Variants in HOPX observed in about 807,000 individuals in gnomAD.
HOPX encodes the protein HOP homeobox.
Under a neutral mutation model 11.8 loss-of-function variants are expected in HOPX, and 5 were observed. The observed-to-expected ratio is 0.43, with a 90% CI of 0.22 to 0.89. HOPX has a LOEUF of 0.89. Ranked by LOEUF, HOPX falls within the 40% of genes least tolerant of loss-of-function variation. The pLI, the probability that HOPX is intolerant of heterozygous loss-of-function variation, is 0.28. For missense variants in HOPX, 119 were observed against 120.0 expected (o/e 0.99, Z 0.04); for synonymous variants, 49 against 49.7 (o/e 0.99, Z 0.06).
At chr4:56,674,485 T>C (rs1345146903) in intron 1 of HOPX, among the ~76,000 whole-genome samples, 1 of 151,654 alleles carries the variant, frequency 6.6e-6, no homozygotes, top group African/African-American at 2.4e-5. Flanking sequence ...ATTTTCCTCA[T>C]GATCCTAGAT....
chr4:56,661,258 A>G (rs1426847088), intron 1 of HOPX, among the ~76,000 whole-genome samples: 6 of 152,350 alleles, frequency 3.9e-5, no homozygotes, highest in Non-Finnish European at 7.3e-5. Context: ...GTGTTTCCAG[A>G]ACAAATCCAC....
chr4:56,651,099 C>A (rs1486998649), intron 3 of HOPX: 2 of 264,540 alleles, frequency 7.6e-6, no homozygotes, highest in African/African-American at 4.5e-5. Context: ...CACTTTCTAT[C>A]AGATTTCATT....
intron 1 of HOPX, among the ~76,000 whole-genome samples, chr4:56,669,603 G>A (rs1382794860): frequency 1.3e-5 from 2 of 151,814 alleles, no homozygotes; most frequent in Admixed American, 1.3e-4. Flanking sequence ...AGATTGTAGT[G>A]AGCCAAGATC....
intron 1 of HOPX, among the ~76,000 whole-genome samples, chr4:56,672,179 T>G (rs955403896): frequency 3.3e-5 from 5 of 152,110 alleles, no homozygotes; most frequent in African/African-American, 1.2e-4. Flanking sequence ...ATTTGCTTTT[T>G]CTGGGTAATC....
At chr4:56,660,794 T>C (rs959819115) in intron 1 of HOPX, among the ~76,000 whole-genome samples, 2 of 152,176 alleles carry the variant, frequency 1.3e-5, no homozygotes, top group Non-Finnish European at 2.9e-5. Context: ...AAGCATAAAT[T>C]AAATAAACAC....
intron 1 of HOPX, 136 bp from the exon 2 acceptor site, chr4:56,658,035 C>T (rs1403911473): frequency 2.4e-5 from 15 of 637,224 alleles, no homozygotes; most frequent in Non-Finnish European, 3.3e-5. Context: ...CCACTGCTTG[C>T]TTCGCTTGAA....
At chr4:56,651,778 A>C (rs1201246455) in intron 3 of HOPX, among the ~76,000 whole-genome samples, 3 of 152,108 alleles carry the variant, frequency 2.0e-5, no homozygotes, top group Non-Finnish European at 2.9e-5. Flanking sequence ...CATCAAGAGG[A>C]GATAAAAATA....
chr4:56,677,952 C>T (rs1302575044), intron 1 of HOPX, among the ~76,000 whole-genome samples: 1 of 151,620 alleles, frequency 6.6e-6, no homozygotes, highest in Non-Finnish European at 1.5e-5. Flanking sequence ...AATTAGAATC[C>T]TCTACTTATG....
At chr4:56,651,423 C>G (rs1717159992) in intron 3 of HOPX, among the ~76,000 whole-genome samples, 1 of 152,134 alleles carries the variant, frequency 6.6e-6, no homozygotes, top group Non-Finnish European at 1.5e-5. Flanking sequence ...CCCTTTAGAG[C>G]TGTATCTTAT....
chr4:56,669,826 C>A (rs984543355), intron 1 of HOPX, among the ~76,000 whole-genome samples: 1 of 152,052 alleles, frequency 6.6e-6, no homozygotes, highest in Non-Finnish European at 1.5e-5. Flanking sequence ...GCCCCGGTTG[C>A]ACCTAGGTAT....
chr4:56,680,268 C>T (rs1223166326), intron 1 of HOPX: 3 of 152,082 alleles, frequency 2.0e-5, no homozygotes, highest in Non-Finnish European at 2.9e-5. Context: ...TGAGAAAGGT[C>T]CTTGGCTTTC....
intron 1 of HOPX, among the ~76,000 whole-genome samples, chr4:56,673,275 AAGAG>A (rs1256885443): frequency 6.6e-6 from 1 of 152,208 alleles, no homozygotes; most frequent in African/African-American, 2.4e-5. Flanking sequence ...AGTGAAAAGA[AAGAG>A]AGAAAAGAGG....
intron 3 of HOPX, among the ~76,000 whole-genome samples, chr4:56,655,110 T>C (rs1243461843): frequency 6.6e-6 from 1 of 152,164 alleles, no homozygotes. Flanking sequence ...GATAAGTCAA[T>C]GAATGCACTT....
chr4:56,649,754 G>GCTAA (rs1285420002), intron 3 of HOPX: 20 of 152,420 alleles, frequency 1.3e-4, no homozygotes, highest in African/African-American at 4.8e-4. Context: ...ATCAGTGGCT[G>GCTAA]CCTTTATCTT....
chr4:56,653,989 G>C (rs1328835332), intron 3 of HOPX, among the ~76,000 whole-genome samples: 1 of 152,186 alleles, frequency 6.6e-6, no homozygotes, highest in Non-Finnish European at 1.5e-5. Flanking sequence ...TAATGCAGAG[G>C]AAAGACAGCA....
intron 1 of HOPX, chr4:56,680,880 G>T: frequency 4.5e-6 from 1 of 221,282 alleles, no homozygotes; most frequent in Non-Finnish European, 7.6e-6. Context: ...TAAAAGTCTG[G>T]GATGTAGAAT....
rs1716850871 is a variant in HOPX, at chr4:56,648,430, C to A, written c.*290G>T. 2 of 305,526 alleles carry A rather than the reference C, an allele frequency of 6.5e-6. No individual in the cohort carries two copies. Among genetic ancestry groups the A allele is most frequent in the Non-Finnish European group, 1.2e-5 (2 of 167,406 alleles). The allele number at this position is 305,526 out of a possible 1,614,324, so 18.9% of individuals were successfully genotyped here. ...CTGGGAGGTGATGGTCAAAAGCAAA[C>A]TTAGATGGTTTTCACACCATCTGTC... On this transcript the variant is annotated 3_prime_UTR_variant, in exon 4 of 4. Coordinates refer to ENST00000420433, the MANE Select transcript of HOPX (RefSeq NM_032495.6).
chr4:56,649,777 G>A (rs1435040667), intron 3 of HOPX: 1 of 152,294 alleles, frequency 6.6e-6, no homozygotes, highest in Admixed American at 6.5e-5. Flanking sequence ...TAACCGGGGT[G>A]GTACAGAGCT....
At position 56,648,754 on chromosome 4, in the gene HOPX, CCTT is replaced by C; in HGVS notation, c.239_241del (p.Glu80del). 1 of 1,610,938 alleles carries C rather than the reference CCTT, an allele frequency of 6.2e-7. No individual in the cohort carries two copies. Among genetic ancestry groups the C allele is most frequent in the Non-Finnish European group, 8.5e-7 (1 of 1,177,376 alleles). ...GACGGATCTGCACTCTGAGGGCAGG[CCTT>C]CTGAGCGCCGCCACTTTGCCAGGCG... On this transcript the variant is annotated inframe_deletion, in exon 4 of 4. Coordinates refer to ENST00000420433, the MANE Select transcript of HOPX (RefSeq NM_032495.6).
Sources: gnomAD v4.1 joint callset for allele counts (sites outside exome capture counted in the v4.1 genomes callset) on GRCh38, gnomAD v4.1.1 for gene constraint, MANE v1.5 for transcripts, NCBI Gene and HGNC (gene_info 2026-07-23, HGNC 2026-07-21) for gene names.